ERGIC2: variants seen among roughly 807,000 people sequenced by gnomAD.
The protein encoded by ERGIC2 is ERGIC and golgi 2, also known as endoplasmic reticulum-Golgi intermediate compartment protein 2.
In ERGIC2, 31 loss-of-function variants were observed where a neutral mutation model predicts 52.5. That is an observed-to-expected ratio of 0.59 (90% confidence interval 0.44 to 0.80). ERGIC2 has a LOEUF of 0.80. Among genes scored for constraint, ERGIC2 ranks in the 30% least tolerant of loss-of-function variants. The probability of loss-of-function intolerance (pLI) is 0.00; values close to 1 mark genes in which losing one functional copy is unlikely to be tolerated. For missense variants in ERGIC2, 395 were observed against 455.2 expected, an observed-to-expected ratio of 0.87 and a Z score of 1.20; for synonymous variants, 129 against 140.6, an observed-to-expected ratio of 0.92 and a Z score of 0.58.
At chr12:29,355,278 C>T (rs1382869050) in intron 8 of ERGIC2, among the ~76,000 whole-genome samples, 1 of 152,150 alleles carries the variant, frequency 6.6e-6, no homozygotes, top group African/African-American at 2.4e-5. Flanking sequence ...AATGTATTCA[C>T]TGCTTAAGTG....
intron 12 of ERGIC2, among the ~76,000 whole-genome samples, chr12:29,342,768 GTAT>G: frequency 6.6e-6 from 1 of 152,192 alleles, no homozygotes; most frequent in East Asian, 1.9e-4. Flanking sequence ...TGCAAATTAG[GTAT>G]TATTATTGCT....
rs754678011 is a variant in ERGIC2 at position 29,345,472 on chromosome 12, C to A, written c.796G>T (p.Asp266Tyr). The A allele has an allele frequency of 1.3e-6, 2 of 1,597,660 alleles. No homozygotes were observed. The highest frequency in any genetic ancestry group is 1.3e-5 in the African/African-American group (1 of 74,672). The change falls in exon 11 of 14, where the codon GAC becomes TAC. Residue 266 changes from aspartate to tyrosine, a missense_variant. Coordinates refer to ENST00000360150, the MANE Select transcript of ERGIC2 (RefSeq NM_016570.3). Reference sequence around the variant, plus strand: ...TCTGTCACAGAAAACTGATGGGTGTCTGCTGATATTTTATATGTATGTAGT... The same window carrying A: ...TCTGTCACAGAAAACTGATGGGTGTATGCTGATATTTTATATGTATGTAGT... Reference protein sequence around the residue: ...TKLHTYKISADTHQFSVTERE... With the variant: ...TKLHTYKISAYTHQFSVTERE...
rs1326380578 is a variant in ERGIC2, at chr12:29,371,522, A to G, written c.106+6T>C. The G allele has an allele frequency of 3.2e-6, 5 of 1,577,546 alleles. No homozygotes were observed. In the East Asian group the frequency reaches 1.1e-4, roughly 36 times the overall value. ...TACAGAACTTTTAATGTTAACTGAT[A>G]CTCACCTGTACCTCCACTGGCTGAA... On this transcript the variant is annotated splice_donor_region_variant and intron_variant, in intron 2 of 13. Transcript: ENST00000360150.
chr12:29,375,253 A>G (rs1940499458), intron 1 of ERGIC2, among the ~76,000 whole-genome samples: 1 of 152,126 alleles, frequency 6.6e-6, no homozygotes, highest in Non-Finnish European at 1.5e-5. Context: ...TACCTTTATC[A>G]CACTATTTCT....
chr12:29,366,170 C>T (rs1236176091), intron 5 of ERGIC2, among the ~76,000 whole-genome samples: 1 of 151,920 alleles, frequency 6.6e-6, no homozygotes, highest in Non-Finnish European at 1.5e-5. Context: ...AATTTAAGTA[C>T]CACCATGCCA....
chr12:29,353,423 A>C lies in ERGIC2; in HGVS notation c.572+2959T>G, dbSNP rs752644873. Among the ~76,000 whole-genome samples the C allele has an allele frequency of 7.2e-5, 11 of 152,308 alleles. No homozygotes were observed. The South Asian group carries it at 2.3e-3, about 32-fold the overall frequency. Reference sequence around the variant, plus strand: ...ACCAAATTACAATACTACACGTTGAATATCCCTTATCCAAAATGCTTGGGA... The same window carrying C: ...ACCAAATTACAATACTACACGTTGACTATCCCTTATCCAAAATGCTTGGGA... On this transcript the variant is annotated intron_variant, in intron 8 of 13. Coordinates refer to ENST00000360150, the MANE Select transcript of ERGIC2 (RefSeq NM_016570.3).
intron 6 of ERGIC2, among the ~76,000 whole-genome samples, chr12:29,358,102 A>G (rs983554322): frequency 6.6e-6 from 1 of 152,224 alleles, no homozygotes; most frequent in Non-Finnish European, 1.5e-5. Context: ...AAAGAGTAGG[A>G]CAAATAAGGG....
At chr12:29,348,779 G>C (rs1774634778) in intron 10 of ERGIC2, among the ~76,000 whole-genome samples, 1 of 151,918 alleles carries the variant, frequency 6.6e-6, no homozygotes, top group Non-Finnish European at 1.5e-5. Context: ...AAAAAGTGCA[G>C]TTATGCCCTG....
chr12:29,353,725 C>CCTT (rs141971517), intron 8 of ERGIC2, among the ~76,000 whole-genome samples: 121,465 of 144,630 alleles, frequency 0.84, 49,327 homozygotes, highest in Admixed American at 0.86. Context: ...AATAATATTT[C>CCTT]CTTCTTTTTT....
chr12:29,360,904 T>TA (rs972710650), intron 6 of ERGIC2, among the ~76,000 whole-genome samples: 17 of 147,294 alleles, frequency 1.2e-4, no homozygotes, highest in Admixed American at 2.0e-4. Context: ...GCTGATCAGT[T>TA]AAAAAAAAAA....
chr12:29,338,339 C>T lies in ERGIC2; in HGVS notation c.*2817G>A, dbSNP rs908670197. On this transcript the variant is annotated 3_prime_UTR_variant, in exon 14 of 14. Coordinates refer to ENST00000360150, the MANE Select transcript of ERGIC2 (RefSeq NM_016570.3). The stretch of plus-strand genomic sequence containing the variant: ...GAAAAGTGTGATATTAATCATCTAA[C>T]TTGAGAACTAGAAGTAATTTGGGTG... 1.3e-5 allele frequency: 2 copies of T among 151,964 alleles called. No individual in the cohort carries two copies. Among genetic ancestry groups the T allele is most frequent in the African/African-American group, 4.8e-5 (2 of 41,456 alleles). 9.4% of individuals were successfully genotyped at this position (151,964 alleles called of 1,614,324 possible).
intron 8 of ERGIC2, among the ~76,000 whole-genome samples, chr12:29,354,056 C>T (rs1940170406): frequency 6.6e-6 from 1 of 152,058 alleles, no homozygotes; most frequent in Non-Finnish European, 1.5e-5. Flanking sequence ...TTGGGATTTA[C>T]TGGACAACAG....
At chr12:29,354,618 T>G (rs1940177327) in intron 8 of ERGIC2, among the ~76,000 whole-genome samples, 1 of 152,152 alleles carries the variant, frequency 6.6e-6, no homozygotes, top group African/African-American at 2.4e-5. Flanking sequence ...AATGTAACAC[T>G]AAAAATTAGG....
intron 8 of ERGIC2, among the ~76,000 whole-genome samples, chr12:29,350,637 A>G (rs1160915849): frequency 6.6e-6 from 1 of 152,122 alleles, no homozygotes; most frequent in Admixed American, 6.5e-5. Context: ...ATTTACTTAT[A>G]AACATGTTAT....
At chr12:29,362,204 C>T (rs1321792919) in intron 5 of ERGIC2, among the ~76,000 whole-genome samples, 1 of 152,202 alleles carries the variant, frequency 6.6e-6, no homozygotes, top group East Asian at 1.9e-4. Context: ...CAAAGTTAGA[C>T]TTGGCTACTT....
intron 12 of ERGIC2, among the ~76,000 whole-genome samples, chr12:29,342,489 A>G (rs998583109): frequency 6.6e-6 from 1 of 152,246 alleles, no homozygotes; most frequent in Non-Finnish European, 1.5e-5. Context: ...AGCTCCATCT[A>G]ATACTGAATA....
intron 4 of ERGIC2, among the ~76,000 whole-genome samples, chr12:29,367,564 G>C (rs1459370961): frequency 1.3e-5 from 2 of 151,806 alleles, no homozygotes; most frequent in African/African-American, 4.8e-5. Flanking sequence ...AGGTCGTTCT[G>C]AGATAGAATC....
chr12:29,352,374 A>C (rs1940144884), intron 8 of ERGIC2, among the ~76,000 whole-genome samples: 1 of 152,168 alleles, frequency 6.6e-6, no homozygotes, highest in Non-Finnish European at 1.5e-5. Context: ...AAAAATGTAA[A>C]AACCATGTCT....
chr12:29,344,169 T>C (rs1940008812), intron 11 of ERGIC2, among the ~76,000 whole-genome samples: 2 of 151,962 alleles, frequency 1.3e-5, no homozygotes, highest in Admixed American at 6.6e-5. Context: ...AGATGTACCA[T>C]CTGGGTTGTT....
Sources: allele counts gnomAD v4.1 joint callset (sites outside exome capture counted in the v4.1 genomes callset), GRCh38; gene constraint gnomAD v4.1.1; transcripts MANE v1.5; gene names NCBI Gene and HGNC (gene_info 2026-07-23, HGNC 2026-07-21).